The following AKAP6 variants were observed in gnomAD, a reference collection of about 807,000 sequenced individuals.
AKAP6 encodes A-kinase anchoring protein 6.
A neutral mutation model predicts 188.5 loss-of-function variants in AKAP6; 58 were observed. The observed-to-expected ratio is 0.31, with a 90% confidence interval of 0.25 to 0.38. The LOEUF (loss-of-function observed/expected upper bound fraction) is 0.38, where lower values mean the gene tolerates loss of function less well. Among genes scored for constraint, AKAP6 ranks in the 10% least tolerant of loss-of-function variants. The pLI is 1.00. For synonymous variants in AKAP6, 989 were observed against 998.6 expected (o/e 0.99, Z 0.18); for missense variants, 2,710 against 2,740.0 (o/e 0.99, Z 0.24).
chr14:32,659,935 C>T (rs1888614909), intron 7 of AKAP6, among the ~76,000 whole-genome samples: 1 of 151,748 alleles, frequency 6.6e-6, no homozygotes, highest in East Asian at 1.9e-4. Flanking sequence ...AAGGTGTAAC[C>T]GACAAGGTGA....
In AKAP6 at chr14:32,616,533, T is replaced by C. The variant is rs186371244; in HGVS notation, c.2730+15741T>C. Among the ~76,000 whole-genome samples the C allele has an allele frequency of 3.3e-4, 50 of 152,120 alleles. 2 individuals carry two copies. The East Asian group carries it at 9.5e-3, about 29-fold the overall frequency. ...AACTAAATATGTTCTCACTTATAAG[T>C]GGGAGCTAAATGATGAGAGCACATG... On this transcript the variant is annotated intron_variant, in intron 7 of 13. Transcript: ENST00000280979.
chr14:32,545,822 C>T lies in AKAP6; in HGVS notation c.1169C>T (p.Pro390Leu), dbSNP rs1225589770. 1.2e-6 allele frequency: 2 copies of T among 1,613,794 alleles called. No individual in the cohort carries two copies. Among genetic ancestry groups the T allele is most frequent in the Non-Finnish European group, 1.7e-6 (2 of 1,179,948 alleles). The stretch of plus-strand genomic sequence containing the variant: ...GACTCTCCCACGCAGCCTACATTGC[C>T]AAAAAGAGGACTTTTTCTTAAAGAG... The part of the protein sequence containing the change: ...NEDSPTQPTL[P>L]KRGLFLKEET... Residue 390 changes from proline to leucine, a missense_variant, in exon 4 of 14, where the codon CCA becomes CTA. By Grantham distance (98) the Pro-to-Leu change is moderately conservative. Coordinates refer to ENST00000280979, the MANE Select transcript of AKAP6 (RefSeq NM_004274.5).
At chr14:32,480,029 G>T (rs776839528) in intron 2 of AKAP6, among the ~76,000 whole-genome samples, 1 of 152,200 alleles carries the variant, frequency 6.6e-6, no homozygotes, top group Non-Finnish European at 1.5e-5. Context: ...TTTCCTGGGT[G>T]CCTTGAGTTG....
intron 4 of AKAP6, among the ~76,000 whole-genome samples, chr14:32,556,237 TG>T (rs1287530628): frequency 6.6e-6 from 1 of 152,226 alleles, no homozygotes; most frequent in Non-Finnish European, 1.5e-5. Flanking sequence ...ATATACTTGT[TG>T]GCTATTTGTA....
At chr14:32,348,814 T>C (rs1280561662) in intron 1 of AKAP6, among the ~76,000 whole-genome samples, 4 of 152,206 alleles carry the variant, frequency 2.6e-5, no homozygotes, top group Non-Finnish European at 5.9e-5. Flanking sequence ...CCCAACACTC[T>C]GCAGGGCCCA....
chr14:32,492,487 A>G (rs1347264384), intron 2 of AKAP6, among the ~76,000 whole-genome samples: 1 of 151,798 alleles, frequency 6.6e-6, no homozygotes, highest in Non-Finnish European at 1.5e-5. Flanking sequence ...TCTCTTAGGA[A>G]TATGTTTCAA....
chr14:32,824,785 T>C lies in AKAP6; in HGVS notation c.*12T>C. On this transcript the variant is annotated 3_prime_UTR_variant, in exon 13 of 14. Coordinates refer to ENST00000280979, the MANE Select transcript of AKAP6 (RefSeq NM_004274.5). ...ATATGCATAGGTAGAATGTACCCCCTCCCCAAGCATGAAAATCATCTCACT... is the reference window on the plus strand; with the variant it reads ...ATATGCATAGGTAGAATGTACCCCCCCCCCAAGCATGAAAATCATCTCACT... 6.3e-7 allele frequency: 1 copy of C among 1,597,906 alleles called. No individual in the cohort carries two copies. The highest frequency in any genetic ancestry group is 8.5e-7 in the Non-Finnish European group (1 of 1,173,478).
rs150638398 is a variant in AKAP6, at chr14:32,704,987, G to A, written c.3000+8877G>A. Among the ~76,000 whole-genome samples, 920 of 152,300 alleles carry A rather than the reference G, an allele frequency of 6.0e-3. 3 individuals are homozygous for A. The highest frequency in any genetic ancestry group is 8.4e-3 in the Admixed American group (129 of 15,292). ...TAACGTTTCAGTTATTTCAAAAGAAGTCCTGGTACCTGTTCAGAATAGATG... is the reference window on the plus strand; with the variant it reads ...TAACGTTTCAGTTATTTCAAAAGAAATCCTGGTACCTGTTCAGAATAGATG... On this transcript the variant is annotated intron_variant, in intron 9 of 13. Coordinates refer to ENST00000280979, the MANE Select transcript of AKAP6 (RefSeq NM_004274.5).
At position 32,484,928 on chromosome 14, in the gene AKAP6, A is replaced by G; in HGVS notation, c.325-50626A>G. 1.8e-5 allele frequency: 4 copies of G among 219,528 alleles called. 1 individual carries two copies. Among genetic ancestry groups the G allele is most frequent in the Non-Finnish European group, 2.0e-5 (3 of 150,488 alleles). 13.6% of individuals were successfully genotyped at this position (219,528 alleles called of 1,614,324 possible). On this transcript the variant is annotated intron_variant, in intron 2 of 13. Transcript: ENST00000280979. ...TTGCAAATTCGAAGAAGCAGCTTCA[A>G]ACCTGGCGGGGCTTCTCCCGCCTTT...
chr14:32,641,469 T>TAAAAAAAA (rs35618540), intron 7 of AKAP6, among the ~76,000 whole-genome samples: 1 of 119,852 alleles, frequency 8.3e-6, no homozygotes, highest in African/African-American at 3.0e-5. Context: ...GAAACCCTGC[T>TAAAAAAAA]AAAAAAAAAA....
At chr14:32,410,367 C>A (rs1889441865) in intron 1 of AKAP6, among the ~76,000 whole-genome samples, 1 of 152,140 alleles carries the variant, frequency 6.6e-6, no homozygotes, top group South Asian at 2.1e-4. Context: ...CCATTGTCAA[C>A]CAGAAAAAAT....
Position 32,732,446 on chromosome 14 carries a change from C to G in AKAP6, c.3001-8C>G, listed in dbSNP as rs1445553169. 3 of 1,603,756 alleles carry G rather than the reference C, an allele frequency of 1.9e-6. No individual in the cohort carries two copies. In the Admixed American group the frequency reaches 5.2e-5, roughly 28 times the overall value. On this transcript the variant is annotated splice_region_variant and splice_polypyrimidine_tract_variant and intron_variant, in intron 9 of 13. Transcript: ENST00000280979. Reference sequence around the variant, plus strand: ...CTAATGATATCTCTTTTTCTCTTTTCATTTTAGCGATACAGTGTGGAAATG... The same window carrying G: ...CTAATGATATCTCTTTTTCTCTTTTGATTTTAGCGATACAGTGTGGAAATG...
chr14:32,355,854 A>C (rs1174005627), intron 1 of AKAP6, among the ~76,000 whole-genome samples: 1 of 151,904 alleles, frequency 6.6e-6, no homozygotes, highest in African/African-American at 2.4e-5. Context: ...AGCTCACTGC[A>C]GCCTCGAACT....
intron 11 of AKAP6, among the ~76,000 whole-genome samples, chr14:32,750,284 T>C (rs1026392735): frequency 2.0e-5 from 3 of 152,198 alleles, no homozygotes; most frequent in Non-Finnish European, 2.9e-5. Flanking sequence ...AGCTTTTTTT[T>C]CCTGTGTCCT....
At chr14:32,485,616 G>A (rs1016760100) in intron 2 of AKAP6, among the ~76,000 whole-genome samples, 3 of 151,992 alleles carry the variant, frequency 2.0e-5, no homozygotes, top group Non-Finnish European at 4.4e-5. Context: ...GTCTTCTTTT[G>A]AGAAGTGTCT....
chr14:32,449,524 A>C (rs1449955166), intron 2 of AKAP6, among the ~76,000 whole-genome samples: 12 of 33,246 alleles, frequency 3.6e-4, no homozygotes, highest in Admixed American at 4.4e-4. Flanking sequence ...TCCATCTCAA[A>C]AAAAAAAAAA....
chr14:32,381,317 G>A (rs947640604), intron 1 of AKAP6, among the ~76,000 whole-genome samples: 4 of 152,034 alleles, frequency 2.6e-5, no homozygotes, highest in Admixed American at 2.6e-4. Flanking sequence ...TCCAGCCTGG[G>A]TGACAGAGTG....
intron 7 of AKAP6, among the ~76,000 whole-genome samples, chr14:32,635,874 A>T (rs1239162650): frequency 6.6e-6 from 1 of 152,106 alleles, no homozygotes; most frequent in Admixed American, 6.6e-5. Flanking sequence ...AAAGAATAGG[A>T]TATTATAAAG....
intron 10 of AKAP6, 103 bp from the exon 11 acceptor site, chr14:32,735,555 G>A (rs1385994791): frequency 3.8e-5 from 33 of 865,734 alleles, no homozygotes; most frequent in Non-Finnish European, 5.7e-5. Flanking sequence ...ACTGTGGTGT[G>A]TTTTTGGTAC....
Sources: gnomAD v4.1 joint callset for allele counts (sites outside exome capture counted in the v4.1 genomes callset) on GRCh38, gnomAD v4.1.1 for gene constraint, MANE v1.5 for transcripts, NCBI Gene and HGNC (gene_info 2026-07-23, HGNC 2026-07-21) for gene names.